The following ATP8A2 variants were observed in gnomAD, a reference collection of about 807,000 sequenced individuals.
ATP8A2 encodes ATPase phospholipid transporting 8A2.
A neutral mutation model predicts 165.6 loss-of-function variants in ATP8A2; 100 were observed. The ratio of observed to expected loss-of-function variants is 0.60; its 90% confidence interval spans 0.51 to 0.71. ATP8A2 has a LOEUF of 0.71. Ranked by LOEUF, ATP8A2 falls within the 30% of genes least tolerant of loss-of-function variation. ATP8A2 has a pLI of 0.00. For synonymous variants in ATP8A2, 543 were observed against 548.8 expected (o/e 0.99, Z 0.15); for missense variants, 1,227 against 1,479.5 (o/e 0.83, Z 2.80).
intron 24 of ATP8A2, among the ~76,000 whole-genome samples, chr13:25,620,717 C>T (rs960217689): frequency 2.0e-5 from 3 of 152,098 alleles, no homozygotes; most frequent in African/African-American, 4.8e-5. Context: ...CACAGTTTTA[C>T]AGTTGATAGA....
At chr13:25,490,317 T>C (rs762470957) in intron 2 of ATP8A2, among the ~76,000 whole-genome samples, 8 of 152,224 alleles carry the variant, frequency 5.3e-5, no homozygotes, top group Non-Finnish European at 1.2e-4. Flanking sequence ...CCCGTATAGC[T>C]TTAATTCCCA....
intron 1 of ATP8A2, among the ~76,000 whole-genome samples, chr13:25,429,457 C>T (rs916514301): frequency 1.3e-5 from 2 of 151,646 alleles, no homozygotes; most frequent in East Asian, 3.9e-4. Context: ...GGGGGATTCA[C>T]CCCATTCTCC....
intron 1 of ATP8A2, among the ~76,000 whole-genome samples, chr13:25,420,247 A>C (rs1474579110): frequency 6.6e-6 from 1 of 152,208 alleles, no homozygotes; most frequent in Non-Finnish European, 1.5e-5. Context: ...TTTTTAAAAA[A>C]CCACTTGAAA....
chr13:25,938,234 C>T (rs1954973233), intron 33 of ATP8A2, among the ~76,000 whole-genome samples: 4 of 150,402 alleles, frequency 2.7e-5, no homozygotes, highest in Admixed American at 1.3e-4. Context: ...AGGTGAAGAC[C>T]CAGGAGGTTA....
intron 33 of ATP8A2, among the ~76,000 whole-genome samples, chr13:25,942,899 T>C (rs1955108939): frequency 6.6e-6 from 1 of 152,200 alleles, no homozygotes; most frequent in African/African-American, 2.4e-5. Flanking sequence ...GTCCTGATGT[T>C]TTCCATTTGG....
At chr13:25,667,552 T>C (rs1159503049) in intron 24 of ATP8A2, among the ~76,000 whole-genome samples, 1 of 152,154 alleles carries the variant, frequency 6.6e-6, no homozygotes. Context: ...CTCCATCTCA[T>C]GTTGTGATGC....
At chr13:25,623,489 T>C (rs1274621242) in intron 24 of ATP8A2, among the ~76,000 whole-genome samples, 1 of 152,136 alleles carries the variant, frequency 6.6e-6, no homozygotes, top group Non-Finnish European at 1.5e-5. Context: ...GTTTTCCACC[T>C]TTTTTTGTGT....
rs566004716 is a variant in ATP8A2 at position 25,953,545 on chromosome 13, AAG to A, written c.3184-8029_3184-8028del. ...TTTAAAAAAAAAAAAAAAAAAAAAA[AAG>A]CAAGGGAAATAGGCAAGACGGCCAA... is the stretch of plus-strand genomic sequence containing the variant. On this transcript the variant is annotated intron_variant, in intron 33 of 36. Coordinates refer to ENST00000381655, the MANE Select transcript of ATP8A2 (RefSeq NM_016529.6). The surrounding 1 kb of genome is among the most constrained non-coding windows in gnomAD (Gnocchi z 6.7). Among the ~76,000 whole-genome samples the A allele has an allele frequency of 0.18, 21,920 of 122,584 alleles. 1,675 individuals are homozygous for A. The highest frequency in any genetic ancestry group is 0.22 in the Non-Finnish European group (13,336 of 60,230). 80.4% of individuals were successfully genotyped at this position (122,584 alleles called of 152,430 possible).
chr13:25,553,006 C>G (rs1229075708), intron 11 of ATP8A2, among the ~76,000 whole-genome samples: 1 of 152,072 alleles, frequency 6.6e-6, no homozygotes, highest in Non-Finnish European at 1.5e-5. Context: ...CAATCCCAGC[C>G]TTCTGCTATC....
Position 25,840,223 on chromosome 13 carries a change from A to G in ATP8A2, c.2956+599A>G, listed in dbSNP as rs142427496. Among the ~76,000 whole-genome samples, 766 of 152,290 alleles carry G rather than the reference A, an allele frequency of 5.0e-3. 2 individuals carry two copies. The highest frequency in any genetic ancestry group is 0.014 in the Middle Eastern group (4 of 294). On this transcript the variant is annotated intron_variant, in intron 30 of 36. Transcript: ENST00000381655. Reference sequence around the variant, plus strand: ...TAACACATCCAGAACGTGGCCTCCTAAAGAGACATATTTTTATTCTCAGAA... The same window carrying G: ...TAACACATCCAGAACGTGGCCTCCTGAAGAGACATATTTTTATTCTCAGAA...
At chr13:25,615,094 G>T (rs564017659) in intron 24 of ATP8A2, among the ~76,000 whole-genome samples, 1 of 152,232 alleles carries the variant, frequency 6.6e-6, no homozygotes, top group East Asian at 1.9e-4. Context: ...GGGCCATAGA[G>T]CTCCGAAGAG....
chr13:25,881,552 A>G (rs573596047), intron 33 of ATP8A2, among the ~76,000 whole-genome samples: 1 of 151,974 alleles, frequency 6.6e-6, no homozygotes, highest in African/African-American at 2.4e-5. Context: ...TACAAAAAGG[A>G]TAGACTAGGT....
intron 24 of ATP8A2, among the ~76,000 whole-genome samples, chr13:25,610,883 CTTTTTT>C (rs56730760): frequency 4.1e-5 from 5 of 120,680 alleles, no homozygotes; most frequent in African/African-American, 6.5e-5. Flanking sequence ...AGGTATATTC[CTTTTTT>C]TTTTTTTTTT....
In ATP8A2 at chr13:25,528,798, C is replaced by CAT. The variant is rs1439356825; in HGVS notation, c.222-1200_222-1199insTA. 9.7e-5 allele frequency among the ~76,000 whole-genome samples: 7 copies of CAT among 72,292 alleles called. No individual in the cohort carries two copies. In the East Asian group the frequency reaches 1.4e-3, roughly 14 times the overall value. 47.4% of individuals were successfully genotyped at this position (72,292 alleles called of 152,430 possible). On this transcript the variant is annotated intron_variant, in intron 2 of 36. Transcript: ENST00000381655. ...TGCACACATATGCAACATGTGTATG[C>CAT]ACACATATGCAACATGTGTATGCAC... is the stretch of plus-strand genomic sequence containing the variant.
intron 25 of ATP8A2, 53 bp from the exon 26 acceptor site, chr13:25,768,993 T>C: frequency 1.3e-6 from 2 of 1,529,118 alleles, no homozygotes; most frequent in East Asian, 4.5e-5. Flanking sequence ...AGATTACAGC[T>C]GTTTCCTCTG....
Position 25,533,264 on chromosome 13 carries a change from CT to C in ATP8A2, c.467-4del. 6.9e-7 allele frequency: 1 copy of C among 1,452,768 alleles called. No individual in the cohort carries two copies. Among genetic ancestry groups the C allele is most frequent in the Non-Finnish European group, 9.6e-7 (1 of 1,043,734 alleles). The allele number at this position is 1,452,768 out of a possible 1,614,324, so 90.0% of individuals were successfully genotyped here. ...GTATTAACCAATATTTTATTTTTCT[CT>C]TTTTCAGTGTTAAGAAATGGTATGT... On this transcript the variant is annotated splice_region_variant and splice_polypyrimidine_tract_variant and intron_variant, in intron 5 of 36. Transcript: ENST00000381655.
chr13:25,674,271 C>CT (rs1025430969), intron 24 of ATP8A2, among the ~76,000 whole-genome samples: 48 of 152,188 alleles, frequency 3.2e-4, no homozygotes, highest in African/African-American at 1.0e-3. Flanking sequence ...TGTGTCCCCC[C>CT]CCGAAAACTA....
At chr13:25,483,112 A>C (rs546122187) in intron 2 of ATP8A2, among the ~76,000 whole-genome samples, 38 of 152,202 alleles carry the variant, frequency 2.5e-4, no homozygotes, top group Admixed American at 1.2e-3. Flanking sequence ...CTGCATTTAG[A>C]ATAAGCATAT....
At position 25,463,124 on chromosome 13, in the gene ATP8A2, G is replaced by GTTTT. The variant is rs150498785; in HGVS notation, c.77-5852_77-5851insTTTT. Among the ~76,000 whole-genome samples, 406 of 127,544 alleles carry GTTTT rather than the reference G, an allele frequency of 3.2e-3. 36 individuals are homozygous for GTTTT. The highest frequency in any genetic ancestry group is 9.3e-3 in the Middle Eastern group (2 of 216). 83.7% of individuals were successfully genotyped at this position (127,544 alleles called of 152,430 possible). ...GAAGATGAAGGTATTTCTTTCTGAA[G>GTTTT]TGTTTTTTTTTTTTTTTTTGAGATA... On this transcript the variant is annotated intron_variant, in intron 1 of 36. Transcript: ENST00000381655.
Sources: allele counts gnomAD v4.1 joint callset (sites outside exome capture counted in the v4.1 genomes callset), GRCh38; gene constraint gnomAD v4.1.1; non-coding constraint Gnocchi (gnomAD v3.1); transcripts MANE v1.5; gene names NCBI Gene and HGNC (gene_info 2026-07-23, HGNC 2026-07-21).